FGD4: variants seen among roughly 807,000 people sequenced by gnomAD.
FGD4 encodes FYVE, RhoGEF and PH domain containing 4.
Under a neutral mutation model 102.0 loss-of-function variants are expected in FGD4, and 42 were observed. That is an observed-to-expected ratio of 0.41 (90% CI 0.32 to 0.53). FGD4 has a LOEUF of 0.53. FGD4 is among the 20% of genes least tolerant of loss of function. FGD4 has a pLI of 0.21. For synonymous variants in FGD4, 380 were observed against 375.7 expected (o/e 1.01, Z -0.13); for missense variants, 902 against 1,078.2 (o/e 0.84, Z 2.29).
intron 1 of FGD4, 113 bp downstream of exon 1, chr12:32,400,072 G>C: frequency 1.5e-6 from 2 of 1,356,084 alleles, no homozygotes; most frequent in Non-Finnish European, 1.9e-6. Flanking sequence ...GAGGTAACTG[G>C]TTCGGGAGGT....
chr12:32,535,698 T>C (rs1942189952), intron 1 of FGD4, among the ~76,000 whole-genome samples: 1 of 151,896 alleles, frequency 6.6e-6, no homozygotes, highest in Non-Finnish European at 1.5e-5. Flanking sequence ...AGCAGTGAAG[T>C]TTTAGGTTCT....
At chr12:32,600,496 A>G in intron 5 of FGD4, 2 of 1,265,598 alleles carry the variant, frequency 1.6e-6, no homozygotes, top group Non-Finnish European at 2.0e-6. Flanking sequence ...ATGTAACAGA[A>G]TGGCAATTAA....
chr12:32,618,601 G>T (rs1445665311), intron 10 of FGD4, among the ~76,000 whole-genome samples: 1 of 152,174 alleles, frequency 6.6e-6, no homozygotes, highest in Admixed American at 6.5e-5. Flanking sequence ...GGAGGCTGAG[G>T]TGAGAGTATT....
intron 3 of FGD4, among the ~76,000 whole-genome samples, chr12:32,577,643 A>G (rs1260868642): frequency 6.6e-6 from 1 of 152,248 alleles, no homozygotes; most frequent in Non-Finnish European, 1.5e-5. Flanking sequence ...AACTTTGGTC[A>G]TAAATATTTC....
At chr12:32,583,353 A>G (rs1231283116) in intron 4 of FGD4, among the ~76,000 whole-genome samples, 1 of 152,188 alleles carries the variant, frequency 6.6e-6, no homozygotes. Context: ...CAAGGAAAAA[A>G]AAATCTTAGT....
intron 15 of FGD4, among the ~76,000 whole-genome samples, chr12:32,636,150 TAA>T (rs962495784): frequency 1.6e-4 from 24 of 152,166 alleles, no homozygotes; most frequent in African/African-American, 5.5e-4. Flanking sequence ...AGTGGTCGCG[TAA>T]AAAAACACCC....
chr12:32,594,880 A>T (rs1225058035), intron 4 of FGD4, among the ~76,000 whole-genome samples: 1 of 152,066 alleles, frequency 6.6e-6, no homozygotes, highest in Non-Finnish European at 1.5e-5. Context: ...AACTACAAAA[A>T]ATTAGCTGGG....
intron 1 of FGD4, among the ~76,000 whole-genome samples, chr12:32,404,823 A>G (rs551274107): frequency 1.8e-3 from 280 of 152,350 alleles, no homozygotes; most frequent in Non-Finnish European, 3.1e-3. Context: ...GTGCATGTGC[A>G]TGAATATCAT....
chr12:32,576,403 A>C lies in FGD4; in HGVS notation c.457A>C (p.Lys153Gln). The change falls in exon 3 of 17, where the codon AAA becomes CAA. Residue 153 changes from lysine to glutamine, a missense_variant. By Grantham distance (53) the Lys-to-Gln change is moderately conservative (BLOSUM62 1). Coordinates refer to ENST00000534526, the MANE Select transcript of FGD4 (RefSeq NM_001370298.3). ...PASASCVSKE[K>Q]PSKVSDLISR... is the part of the protein sequence containing the mutation. ...CTCTGCTTCTTGTGTCTCAAAAGAA[A>C]AACCCAGTAAGGTATCAGATCTCAT... is the stretch of plus-strand genomic sequence containing the variant. The C allele has an allele frequency of 6.2e-7, 1 of 1,614,158 alleles. No individual in the cohort carries two copies. The highest frequency in any genetic ancestry group is 8.5e-7 in the Non-Finnish European group (1 of 1,180,026).
chr12:32,608,776 G>A (rs980222111), intron 8 of FGD4, among the ~76,000 whole-genome samples: 5 of 152,156 alleles, frequency 3.3e-5, no homozygotes, highest in Admixed American at 2.0e-4. Context: ...TTGTACTTGT[G>A]TACAACCTTA....
At chr12:32,524,011 A>C (rs1461806479) in intron 1 of FGD4, among the ~76,000 whole-genome samples, 1 of 151,798 alleles carries the variant, frequency 6.6e-6, no homozygotes, top group Non-Finnish European at 1.5e-5. Context: ...TTCCGGTTTG[A>C]ATAGCCACTT....
At chr12:32,457,668 G>GT (rs745797122) in intron 1 of FGD4, among the ~76,000 whole-genome samples, 2 of 152,290 alleles carry the variant, frequency 1.3e-5, no homozygotes, top group Admixed American at 6.5e-5. Flanking sequence ...CTGTGGGTGT[G>GT]TGTAAATGTG....
intron 11 of FGD4, among the ~76,000 whole-genome samples, chr12:32,623,727 G>A (rs1236701802): frequency 6.6e-6 from 1 of 152,198 alleles, no homozygotes; most frequent in East Asian, 1.9e-4. Context: ...AGCCAGCAAC[G>A]TAACCTACCT....
At chr12:32,628,461 G>A (rs570962613) in intron 14 of FGD4, among the ~76,000 whole-genome samples, 1 of 152,206 alleles carries the variant, frequency 6.6e-6, no homozygotes, top group East Asian at 1.9e-4. Flanking sequence ...CCCAGTGGAA[G>A]GGCATGGAGG....
chr12:32,465,391 T>C (rs1943224028), intron 1 of FGD4, among the ~76,000 whole-genome samples: 1 of 151,962 alleles, frequency 6.6e-6, no homozygotes. Flanking sequence ...AGAAAGAGGC[T>C]GGGTGCGGTG....
At chr12:32,524,135 GC>G (rs983115039) in intron 1 of FGD4, among the ~76,000 whole-genome samples, 11 of 152,014 alleles carry the variant, frequency 7.2e-5, no homozygotes, top group African/African-American at 2.7e-4. Context: ...GGTGGCTCAT[GC>G]CTGTAATCCC....
rs575943561 is a variant in FGD4, at chr12:32,604,936, CT to C, written c.1404+2638del. Among the ~76,000 whole-genome samples the C allele has an allele frequency of 5.0e-3, 477 of 94,534 alleles. 3 individuals carry two copies. Among genetic ancestry groups the C allele is most frequent in the African/African-American group, 0.012 (244 of 20,036 alleles). 62.0% of individuals were successfully genotyped at this position (94,534 alleles called of 152,430 possible). ...TCAATTTTATCTAGCTTTATAGCTG[CT>C]TTTTTTTTTTTTTTTTTTGGAGTTA... On this transcript the variant is annotated intron_variant, in intron 7 of 16. Transcript: ENST00000534526.
chr12:32,455,338 CAT>C (rs1455064486), intron 1 of FGD4, among the ~76,000 whole-genome samples: 5 of 152,094 alleles, frequency 3.3e-5, no homozygotes, highest in Non-Finnish European at 2.9e-5. Context: ...CCTTTTTAGA[CAT>C]ATGGCTGTAT....
intron 1 of FGD4, among the ~76,000 whole-genome samples, chr12:32,446,730 G>T (rs150116350): frequency 1.3e-5 from 2 of 152,180 alleles, no homozygotes; most frequent in Non-Finnish European, 2.9e-5. Context: ...CAGCATGCGC[G>T]TGATTCTGAG....
Sources: gnomAD v4.1 joint callset for allele counts (sites outside exome capture counted in the v4.1 genomes callset) on GRCh38, gnomAD v4.1.1 for gene constraint, MANE v1.5 for transcripts, NCBI Gene and HGNC (gene_info 2026-07-23, HGNC 2026-07-21) for gene names.